The following IL1R1 variants were observed in gnomAD, a reference collection of about 807,000 sequenced individuals.
The protein encoded by IL1R1 is interleukin-1 receptor type 1.
A neutral mutation model predicts 50.2 loss-of-function variants in IL1R1; 22 were observed. The ratio of observed to expected loss-of-function variants is 0.44; its 90% CI spans 0.31 to 0.63. IL1R1 has a LOEUF of 0.63. Ranked by LOEUF, IL1R1 falls within the 20% of genes least tolerant of loss-of-function variation. The probability of loss-of-function intolerance (pLI) is 0.07; values close to 1 mark genes in which losing one functional copy is unlikely to be tolerated. For missense variants in IL1R1, 509 were observed against 676.2 expected (o/e 0.75, Z 2.74); for synonymous variants, 251 against 236.7 (o/e 1.06, Z -0.55).
intron 1 of IL1R1, among the ~76,000 whole-genome samples, chr2:102,111,394 T>A (rs1300422732): frequency 1.3e-5 from 2 of 152,224 alleles, no homozygotes. Flanking sequence ...TTGTCCTCCG[T>A]GTGAGACAAG....
chr2:102,089,935 G>A (rs1198668435), intron 1 of IL1R1, among the ~76,000 whole-genome samples: 4 of 149,990 alleles, frequency 2.7e-5, no homozygotes, highest in Admixed American at 6.7e-5. Context: ...CCGGGTTCAC[G>A]CCATTCTCCT....
intron 1 of IL1R1, among the ~76,000 whole-genome samples, chr2:102,148,868 A>G (rs1295971448): frequency 6.6e-6 from 1 of 152,196 alleles, no homozygotes; most frequent in East Asian, 1.9e-4. Flanking sequence ...AAGGAATAAC[A>G]CAGGAGGTCA....
chr2:102,079,629 G>A (rs954322327), intron 1 of IL1R1, among the ~76,000 whole-genome samples: 2 of 152,100 alleles, frequency 1.3e-5, no homozygotes, highest in Admixed American at 1.3e-4. Context: ...CCATGTTCAT[G>A]AATCAGAAGA....
intron 1 of IL1R1, among the ~76,000 whole-genome samples, chr2:102,129,951 C>A (rs1038348832): frequency 1.3e-5 from 2 of 152,016 alleles, no homozygotes; most frequent in African/African-American, 4.8e-5. Context: ...TTAAAAATGC[C>A]GATAAACTCA....
At chr2:102,084,366 A>G (rs1204260336) in intron 1 of IL1R1, among the ~76,000 whole-genome samples, 1 of 152,206 alleles carries the variant, frequency 6.6e-6, no homozygotes, top group Non-Finnish European at 1.5e-5. Context: ...TAACTAAAAT[A>G]AATACACACA....
intron 1 of IL1R1, among the ~76,000 whole-genome samples, chr2:102,130,039 T>C (rs1293782343): frequency 2.0e-5 from 3 of 152,246 alleles, no homozygotes; most frequent in African/African-American, 7.2e-5. Context: ...TTACCTTTTT[T>C]TACTTTGTTT....
intron 1 of IL1R1, among the ~76,000 whole-genome samples, chr2:102,125,709 G>A (rs762985476): frequency 4.6e-4 from 70 of 152,266 alleles, no homozygotes; most frequent in Non-Finnish European, 8.1e-4. Context: ...TCAAAGCAGT[G>A]CTCACATTAA....
intron 1 of IL1R1, among the ~76,000 whole-genome samples, chr2:102,122,628 C>A (rs954457272): frequency 1.3e-5 from 2 of 152,142 alleles, no homozygotes; most frequent in Non-Finnish European, 2.9e-5. Context: ...AGAAGGGCCT[C>A]GTGAAACCCA....
At chr2:102,141,116 G>C (rs1431329490), upstream of IL1R1, among the ~76,000 whole-genome samples, 4 of 152,204 alleles carry the variant, frequency 2.6e-5, no homozygotes, top group Non-Finnish European at 4.4e-5. Context: ...ACAGCATGGA[G>C]CCAGGCCCAC....
intron 1 of IL1R1, among the ~76,000 whole-genome samples, chr2:102,127,030 A>G (rs1448548677): frequency 6.6e-6 from 1 of 152,092 alleles, no homozygotes; most frequent in Non-Finnish European, 1.5e-5. Flanking sequence ...CCTCTTGTGA[A>G]CCCTTGGGTG....
At chr2:102,134,192 G>C (rs1474638441) in intron 1 of IL1R1, among the ~76,000 whole-genome samples, 2 of 152,170 alleles carry the variant, frequency 1.3e-5, no homozygotes, top group Admixed American at 6.5e-5. Flanking sequence ...AGATCTGTAC[G>C]TGAAGCGGTG....
At chr2:102,119,786 C>T (rs1681304923) in intron 1 of IL1R1, among the ~76,000 whole-genome samples, 1 of 152,120 alleles carries the variant, frequency 6.6e-6, no homozygotes, top group South Asian at 2.1e-4. Flanking sequence ...TACATAGTTA[C>T]CTGTTTTGTG....
intron 1 of IL1R1, among the ~76,000 whole-genome samples, chr2:102,112,256 C>T (rs1861283): frequency 0.31 from 47,030 of 151,036 alleles, 7,978 homozygotes; most frequent in Non-Finnish European, 0.37. Flanking sequence ...AGGCCTATTT[C>T]GGCGGCAAAA....
At chr2:102,156,755 T>C (rs1207033885) in intron 2 of IL1R1, among the ~76,000 whole-genome samples, 1 of 152,168 alleles carries the variant, frequency 6.6e-6, no homozygotes, top group African/African-American at 2.4e-5. Flanking sequence ...TCAAGTGATC[T>C]GCCTGCCTTG....
At chr2:102,171,109 A>G (rs1559506855) in intron 7 of IL1R1, among the ~76,000 whole-genome samples, 1 of 152,220 alleles carries the variant, frequency 6.6e-6, no homozygotes, top group Non-Finnish European at 1.5e-5. Context: ...AACAGTTTTT[A>G]AAAAGGAAGG....
At chr2:102,145,705 C>G (rs1577953475) in intron 1 of IL1R1, among the ~76,000 whole-genome samples, 1 of 152,290 alleles carries the variant, frequency 6.6e-6, no homozygotes, top group East Asian at 1.9e-4. Flanking sequence ...TAAAGTTACT[C>G]AAGTGGGGCC....
intron 5 of IL1R1, 58 bp downstream of exon 5, chr2:102,165,362 A>G: frequency 1.1e-6 from 1 of 930,650 alleles, no homozygotes; most frequent in Non-Finnish European, 1.6e-6. Context: ...AGTTCCCTGG[A>G]CAATAGAATG....
intron 1 of IL1R1, among the ~76,000 whole-genome samples, chr2:102,106,151 T>C (rs911104145): frequency 6.6e-6 from 1 of 152,154 alleles, no homozygotes; most frequent in Non-Finnish European, 1.5e-5. Flanking sequence ...GGAAGGATGC[T>C]TCAAAAAATA....
chr2:102,145,677 T>C (rs1370212250), intron 1 of IL1R1, among the ~76,000 whole-genome samples: 1 of 152,192 alleles, frequency 6.6e-6, no homozygotes, highest in Admixed American at 6.5e-5. Flanking sequence ...GTGTAAACCC[T>C]GATGACCTAG....
Sources: allele counts gnomAD v4.1 joint callset (sites outside exome capture counted in the v4.1 genomes callset), GRCh38; gene constraint gnomAD v4.1.1; transcripts MANE v1.5; gene names NCBI Gene and HGNC (gene_info 2026-07-23, HGNC 2026-07-21).